The following PDZD2 variants were observed in gnomAD, a reference collection of about 807,000 sequenced individuals.
PDZD2 encodes PDZ domain-containing protein 2.
In PDZD2, 90 loss-of-function variants were observed where a neutral mutation model predicts 220.7. The ratio of observed to expected loss-of-function variants is 0.41; its 90% CI spans 0.34 to 0.49. PDZD2 has a LOEUF of 0.49. PDZD2 is among the 20% of genes least tolerant of loss of function. The probability of loss-of-function intolerance (pLI) is 0.28; values close to 1 mark genes in which losing one functional copy is unlikely to be tolerated. For missense variants in PDZD2, 3,174 were observed against 3,608.5 expected (o/e 0.88, Z 3.08); for synonymous variants, 1,375 against 1,450.5 (o/e 0.95, Z 1.18).
At chr5:31,833,375 G>T (rs1320922606) in intron 2 of PDZD2, among the ~76,000 whole-genome samples, 1 of 152,090 alleles carries the variant, frequency 6.6e-6, no homozygotes, top group Non-Finnish European at 1.5e-5. Flanking sequence ...AGCTAAGGCA[G>T]GAGGATTACT....
intron 4 of PDZD2, among the ~76,000 whole-genome samples, chr5:31,999,373 C>T (rs1044646425): frequency 1.3e-5 from 2 of 151,316 alleles, no homozygotes; most frequent in Admixed American, 1.3e-4. Flanking sequence ...AGAAACCAGG[C>T]CTGGTGGCAC....
At chr5:31,820,630 T>C (rs193115076) in intron 2 of PDZD2, 22 of 152,368 alleles carry the variant, frequency 1.4e-4, no homozygotes, top group Admixed American at 1.4e-3. Flanking sequence ...TATGTGCTGC[T>C]TAAAATGCTT....
In PDZD2 at chr5:31,875,593, A is replaced by T. The variant is rs1472128852; in HGVS notation, c.476+75869A>T. 4.1e-3 allele frequency among the ~76,000 whole-genome samples: 599 copies of T among 144,782 alleles called. 2 individuals carry two copies. The highest frequency in any genetic ancestry group is 0.013 in the African/African-American group (508 of 39,004). 95.0% of individuals were successfully genotyped at this position (144,782 alleles called of 152,430 possible). Reference sequence around the variant, plus strand: ...AGAGTGAGACCCTGTTCAAAAAAAAAAAAAATATATATATATATTTTAAAA... The same window carrying T: ...AGAGTGAGACCCTGTTCAAAAAAAATAAAAATATATATATATATTTTAAAA... On this transcript the variant is annotated intron_variant, in intron 2 of 24. Coordinates refer to ENST00000438447, the MANE Select transcript of PDZD2 (RefSeq NM_178140.4).
chr5:31,938,714 G>A (rs1407930878), intron 2 of PDZD2, among the ~76,000 whole-genome samples: 2 of 152,160 alleles, frequency 1.3e-5, no homozygotes, highest in Non-Finnish European at 2.9e-5. Context: ...TGAATACCAT[G>A]TTTTCTCATA....
At chr5:31,710,038 G>A (rs1430982955) in intron 1 of PDZD2, among the ~76,000 whole-genome samples, 1 of 152,162 alleles carries the variant, frequency 6.6e-6, no homozygotes, top group African/African-American at 2.4e-5. Flanking sequence ...ACAGGGGAGC[G>A]GCTGCTCGCC....
intron 19 of PDZD2, among the ~76,000 whole-genome samples, chr5:32,082,245 C>T (rs542460259): frequency 6.0e-5 from 9 of 150,080 alleles, no homozygotes; most frequent in African/African-American, 2.2e-4. Context: ...TGGTCTCGAA[C>T]TCCTGACCTC....
chr5:32,022,193 G>GTTT (rs57252714), intron 6 of PDZD2, among the ~76,000 whole-genome samples: 1 of 141,372 alleles, frequency 7.1e-6, no homozygotes, highest in African/African-American at 2.6e-5. Context: ...TTGTTTTTTT[G>GTTT]TTTTTTGTTT....
chr5:32,031,905 T>C (rs1755150838), intron 6 of PDZD2, among the ~76,000 whole-genome samples: 1 of 152,254 alleles, frequency 6.6e-6, no homozygotes, highest in Non-Finnish European at 1.5e-5. Flanking sequence ...ATGATCAATA[T>C]GTTACAGGCA....
intron 2 of PDZD2, among the ~76,000 whole-genome samples, chr5:31,826,914 C>A (rs1435903925): frequency 6.6e-6 from 1 of 152,072 alleles, no homozygotes; most frequent in African/African-American, 2.4e-5. Flanking sequence ...TGGAATCGAG[C>A]CGGGGTGACC....
At chr5:32,093,710 G>C (rs542978570) in intron 21 of PDZD2, among the ~76,000 whole-genome samples, 2 of 152,308 alleles carry the variant, frequency 1.3e-5, no homozygotes, top group South Asian at 2.1e-4. Flanking sequence ...AGGTGCAGTG[G>C]CTTACACCTG....
At chr5:31,667,032 C>G (rs6871503) in intron 1 of PDZD2, among the ~76,000 whole-genome samples, 85,908 of 151,540 alleles carry the variant, frequency 0.57, 24,539 homozygotes, top group African/African-American at 0.64. Flanking sequence ...GTCAGGAGAT[C>G]GAGACCATCC....
intron 1 of PDZD2, among the ~76,000 whole-genome samples, chr5:31,792,935 T>A (rs139259436): frequency 0.057 from 8,605 of 151,930 alleles, 327 homozygotes; most frequent in Non-Finnish European, 0.088. Context: ...ACCTCCCCGG[T>A]TCAAGCAATT....
intron 8 of PDZD2, among the ~76,000 whole-genome samples, chr5:32,051,112 G>T (rs1467528935): frequency 6.6e-6 from 1 of 152,156 alleles, no homozygotes; most frequent in African/African-American, 2.4e-5. Context: ...CAGGCCTTTG[G>T]TTCCTTCTGG....
At position 32,108,234 on chromosome 5, in the gene PDZD2, G is replaced by C; in HGVS notation, c.*99G>C. On this transcript the variant is annotated 3_prime_UTR_variant, in exon 25 of 25. Transcript: ENST00000438447. ...TGTTGAAATGGCCAACACTGGTACAGACACGGACTATAAAAATCTCCAAGC... is the reference window on the plus strand; with the variant it reads ...TGTTGAAATGGCCAACACTGGTACACACACGGACTATAAAAATCTCCAAGC... The C allele has an allele frequency of 1.4e-6, 1 of 693,038 alleles. No homozygotes were observed. The highest frequency in any genetic ancestry group is 2.3e-6 in the Non-Finnish European group (1 of 427,306). 42.9% of individuals were successfully genotyped at this position (693,038 alleles called of 1,614,324 possible).
chr5:31,712,475 T>TCC (rs1748181287), intron 1 of PDZD2, among the ~76,000 whole-genome samples: 1 of 125,156 alleles, frequency 8.0e-6, no homozygotes, highest in African/African-American at 3.4e-5. Context: ...TCTCTCTCTC[T>TCC]CTCTCTCCCC....
At chr5:31,917,603 G>T (rs549917083) in intron 2 of PDZD2, among the ~76,000 whole-genome samples, 20 of 152,318 alleles carry the variant, frequency 1.3e-4, no homozygotes, top group African/African-American at 4.6e-4. Flanking sequence ...TTTCCCAAGA[G>T]CTCAGAGTAG....
At position 32,109,261 on chromosome 5, in the gene PDZD2, G is replaced by A. The variant is rs1193068127; in HGVS notation, c.*1126G>A. On this transcript the variant is annotated 3_prime_UTR_variant, in exon 25 of 25. Transcript: ENST00000438447. ...AAGAAATGTAACATTCTAAGTATTG[G>A]ATCTCTTTTCTTGACCTAGTATAAT... is the stretch of plus-strand genomic sequence containing the variant. 1 of 152,014 alleles carries A rather than the reference G, an allele frequency of 6.6e-6. No homozygotes were observed. The highest frequency in any genetic ancestry group is 6.5e-5 in the Admixed American group (1 of 15,276). 9.4% of individuals were successfully genotyped at this position (152,014 alleles called of 1,614,324 possible).
chr5:31,935,527 G>A (rs569447191), intron 2 of PDZD2, among the ~76,000 whole-genome samples: 46 of 152,214 alleles, frequency 3.0e-4, no homozygotes, highest in African/African-American at 8.9e-4. Flanking sequence ...AAGCTTAGTC[G>A]GAGTAGAAAA....
Position 31,891,898 on chromosome 5 carries a change from C to T in PDZD2, c.477-91257C>T, listed in dbSNP as rs1482173156. On this transcript the variant is annotated intron_variant, in intron 2 of 24. Transcript: ENST00000438447. Reference sequence around the variant, plus strand: ...CTGCTGTGACAAATCCAAGCTACCTCTACCAGTCATGCCTTCTTTTTTTTT... The same window carrying T: ...CTGCTGTGACAAATCCAAGCTACCTTTACCAGTCATGCCTTCTTTTTTTTT... 2.0e-5 allele frequency among the ~76,000 whole-genome samples: 3 copies of T among 147,606 alleles called. No homozygotes were observed. The South Asian group carries it at 6.4e-4, about 32-fold the overall frequency.
Sources: allele counts gnomAD v4.1 joint callset (sites outside exome capture counted in the v4.1 genomes callset), GRCh38; gene constraint gnomAD v4.1.1; transcripts MANE v1.5; gene names NCBI Gene and HGNC (gene_info 2026-07-23, HGNC 2026-07-21).